The following SLC12A4 variants were observed in gnomAD, a reference collection of about 807,000 sequenced individuals.
SLC12A4 encodes the protein electroneutral potassium-chloride cotransporter 1.
Under a neutral mutation model 119.2 loss-of-function variants are expected in SLC12A4, and 84 were observed. The ratio of observed to expected loss-of-function variants is 0.70; its 90% CI spans 0.59 to 0.85. SLC12A4 has a LOEUF of 0.85. Among genes scored for constraint, SLC12A4 ranks in the 40% least tolerant of loss-of-function variants. SLC12A4 has a pLI of 0.00. For synonymous variants in SLC12A4, 599 were observed against 604.6 expected, an observed-to-expected ratio of 0.99 and a Z score of 0.14; for missense variants, 1,298 against 1,476.3, an observed-to-expected ratio of 0.88 and a Z score of 1.98.
chr16:67,947,104 G>A lies in SLC12A4; in HGVS notation c.2074C>T (p.Pro692Ser), dbSNP rs1185795837. ...AGCTTCAGCAGCACCAGCAGCTGCG[G>A]CCTGCAGTGGCCGGGTGGGGGGAGC... Reference protein sequence around the residue: ...EGPPHTKNWRPQLLVLLKLDE... With the variant: ...EGPPHTKNWRSQLLVLLKLDE... Residue 692 changes from proline (P) to serine (S), a missense_variant and splice_region_variant, in exon 17 of 24, where the codon CCG becomes TCG. Coordinates refer to ENST00000316341, the MANE Select transcript of SLC12A4 (RefSeq NM_005072.5). 3 of 1,583,458 alleles carry A rather than the reference G, an allele frequency of 1.9e-6. No homozygotes were observed. Among genetic ancestry groups the A allele is most frequent in the Non-Finnish European group, 2.6e-6 (3 of 1,168,188 alleles).
At chr16:67,963,244 C>T (rs950133874) in intron 2 of SLC12A4, 1 of 288,262 alleles carries the variant, frequency 3.5e-6, no homozygotes, top group Non-Finnish European at 6.5e-6. Context: ...AGAGGTGAAC[C>T]ACCCTGGAGG....
chr16:67,955,602 C>T (rs534239852), intron 5 of SLC12A4, among the ~76,000 whole-genome samples: 4 of 151,800 alleles, frequency 2.6e-5, no homozygotes, highest in South Asian at 2.1e-4. Flanking sequence ...AAAAAAAGGC[C>T]GGGTGCAGTG....
At chr16:67,947,580 A>AG in intron 15 of SLC12A4, 89 bp downstream of exon 15, 1 of 1,524,600 alleles carries the variant, frequency 6.6e-7, no homozygotes. Context: ...ACGGTGGCCC[A>AG]GCTCCCTGCC....
At position 67,949,789 on chromosome 16, in the gene SLC12A4, C is replaced by T; in HGVS notation, c.1748+11G>A. On this transcript the variant is annotated intron_variant, in intron 13 of 23. Transcript: ENST00000316341. This position sits in a 1 kb window ranked among gnomAD's most constrained non-coding sequence, Gnocchi z 4.6. The stretch of plus-strand genomic sequence containing the variant: ...TTCCCCATCCCCCTGCCCTGCCCGG[C>T]CCCAGCTCACATGGATAAGATGGGG... 1 of 1,594,392 alleles carries T rather than the reference C, an allele frequency of 6.3e-7. No homozygotes were observed. Among genetic ancestry groups the T allele is most frequent in the Non-Finnish European group, 8.6e-7 (1 of 1,165,204 alleles).
At chr16:67,945,686 T>C (rs2151323758) in intron 21 of SLC12A4, 78 bp downstream of exon 21, 1 of 1,498,272 alleles carries the variant, frequency 6.7e-7, no homozygotes. Flanking sequence ...TCATTCTGAT[T>C]CCTCCGCACC....
Position 67,950,252 on chromosome 16 carries a change from A to C in SLC12A4, c.1629+67T>G. On this transcript the variant is annotated intron_variant, in intron 12 of 23. Coordinates refer to ENST00000316341, the MANE Select transcript of SLC12A4 (RefSeq NM_005072.5). This position sits in a 1 kb window ranked among gnomAD's most constrained non-coding sequence, Gnocchi z 4.3. ...AGGACGTGCTGCATCTGTGTTCCCTATCTCTCTCCCCAGCCGGGCGAGGGC... is the reference window on the plus strand; with the variant it reads ...AGGACGTGCTGCATCTGTGTTCCCTCTCTCTCTCCCCAGCCGGGCGAGGGC... 3.2e-6 allele frequency: 5 copies of C among 1,557,942 alleles called. No homozygotes were observed. Among genetic ancestry groups the C allele is most frequent in the Non-Finnish European group, 3.5e-6 (4 of 1,146,666 alleles).
Position 67,950,071 on chromosome 16 carries a change from T to C in SLC12A4, c.1630-153A>G, listed in dbSNP as rs946046863. The C allele has an allele frequency of 7.1e-6, 5 of 707,974 alleles. No individual in the cohort carries two copies. In the African/African-American group the frequency reaches 9.0e-5, roughly 13 times the overall value. 43.9% of individuals were successfully genotyped at this position (707,974 alleles called of 1,614,324 possible). ...CTATGGGTGTCACCAGTCTCCCTGA[T>C]TCCACCTCACCAGGCCTCTCTCCTT... On this transcript the variant is annotated intron_variant, in intron 12 of 23. Transcript: ENST00000316341. This position sits in a 1 kb window ranked among gnomAD's most constrained non-coding sequence, Gnocchi z 4.3.
chr16:67,958,982 G>A (rs772699397), intron 3 of SLC12A4, among the ~76,000 whole-genome samples: 6 of 152,060 alleles, frequency 3.9e-5, no homozygotes, highest in Non-Finnish European at 7.4e-5. Context: ...TACTATATTA[G>A]GGCAGGCTTG....
At position 67,951,798 on chromosome 16, in the gene SLC12A4, C is replaced by A; in HGVS notation, c.1132+25G>T. On this transcript the variant is annotated intron_variant, in intron 8 of 23. Transcript: ENST00000316341. The surrounding 1 kb of genome is among the most constrained non-coding windows in gnomAD (Gnocchi z 5.2). ...CCTGCTCAGCCTGTGGGCTCAAGAG[C>A]AAGACGACGGGAGGGAGGACCCACC... 1 of 1,586,844 alleles carries A rather than the reference C, an allele frequency of 6.3e-7. No individual in the cohort carries two copies. Among genetic ancestry groups the A allele is most frequent in the African/African-American group, 1.3e-5 (1 of 74,574 alleles).
In SLC12A4 at chr16:67,945,482, A is replaced by G; in HGVS notation, c.2919T>C (p.Ser973=). 6.2e-7 allele frequency: 1 copy of G among 1,614,092 alleles called. No homozygotes were observed. The highest frequency in any genetic ancestry group is 8.5e-7 in the Non-Finnish European group (1 of 1,180,010). Residue 973 remains serine, a synonymous_variant, in exon 22 of 24, where the codon TCT becomes TCC. Coordinates refer to ENST00000316341, the MANE Select transcript of SLC12A4 (RefSeq NM_005072.5). Reference sequence around the variant, plus strand: ...TCTGGATCTTGTCAGCCCCCACTGCAGACTCATCTTCCTCGTCCGAGTACA... The same window carrying G: ...TCTGGATCTTGTCAGCCCCCACTGCGGACTCATCTTCCTCGTCCGAGTACA... ...ESLYSDEEDE[S]AVGADKIQMT...
chr16:67,954,609 T>A, intron 6 of SLC12A4, 34 bp downstream of exon 6: 1 of 1,613,438 alleles, frequency 6.2e-7, no homozygotes, highest in Non-Finnish European at 8.5e-7. Flanking sequence ...TGTTTGGACA[T>A]GGCCAGAGTT....
intron 3 of SLC12A4, among the ~76,000 whole-genome samples, chr16:67,959,698 C>A (rs2030460207): frequency 6.6e-6 from 1 of 152,226 alleles, no homozygotes; most frequent in Non-Finnish European, 1.5e-5. Flanking sequence ...CCATCCCAGG[C>A]TGAGTCACTC....
intron 5 of SLC12A4, among the ~76,000 whole-genome samples, chr16:67,956,959 G>A (rs1303669045): frequency 1.3e-5 from 2 of 151,782 alleles, no homozygotes; most frequent in Non-Finnish European, 2.9e-5. Flanking sequence ...GATTATGGGT[G>A]CTTTTAATTT....
Position 67,950,184 on chromosome 16 carries a change from G to A in SLC12A4, c.1629+135C>T. 1 of 1,064,004 alleles carries A rather than the reference G, an allele frequency of 9.4e-7. No homozygotes were observed. 65.9% of individuals were successfully genotyped at this position (1,064,004 alleles called of 1,614,324 possible). On this transcript the variant is annotated intron_variant, in intron 12 of 23. Transcript: ENST00000316341. This position sits in a 1 kb window ranked among gnomAD's most constrained non-coding sequence, Gnocchi z 4.3. ...GCCAGGCCCAGGGCACTTCTCAGTA[G>A]CTCCTCATGGATGGCCGCCTGGCCC...
chr16:67,966,786 C>T, intron 1 of SLC12A4: 1 of 1,551,352 alleles, frequency 6.4e-7, no homozygotes, highest in Non-Finnish European at 8.7e-7. Context: ...CTGTAGACAG[C>T]CAAGGTCTGG....
intron 1 of SLC12A4, chr16:67,966,771 C>T: frequency 6.4e-7 from 1 of 1,551,474 alleles, no homozygotes; most frequent in South Asian, 1.2e-5. Context: ...AGGGTGTCCC[C>T]CATCCTGTAG....
chr16:67,963,401 G>C (rs1017910350), intron 2 of SLC12A4, 64 bp downstream of exon 2: 1 of 1,112,694 alleles, frequency 9.0e-7, no homozygotes, highest in Admixed American at 2.6e-5. Context: ...CACGTGTCCA[G>C]CCTGCCTGCT....
intron 3 of SLC12A4, among the ~76,000 whole-genome samples, chr16:67,960,902 A>T (rs2030527621): frequency 6.6e-6 from 1 of 151,942 alleles, no homozygotes; most frequent in African/African-American, 2.4e-5. Flanking sequence ...GTCCCCTGAC[A>T]CTGGCACTCA....
chr16:67,961,496 C>G, intron 3 of SLC12A4, 79 bp downstream of exon 3: 1 of 1,558,220 alleles, frequency 6.4e-7, no homozygotes, highest in Non-Finnish European at 8.7e-7. Flanking sequence ...TGCTCACCAC[C>G]ATGTGGGGAA....
Sources: gnomAD v4.1 joint callset for allele counts (sites outside exome capture counted in the v4.1 genomes callset) on GRCh38, gnomAD v4.1.1 for gene constraint, Gnocchi (gnomAD v3.1) non-coding constraint, MANE v1.5 for transcripts, NCBI Gene and HGNC (gene_info 2026-07-23, HGNC 2026-07-21) for gene names.